Variants in DYNC2LI1 observed in about 807,000 individuals in gnomAD.
The protein encoded by DYNC2LI1 is cytoplasmic dynein 2 light intermediate chain 1.
Under a neutral mutation model 51.9 loss-of-function variants are expected in DYNC2LI1, and 45 were observed. The observed-to-expected ratio is 0.87, with a 90% CI of 0.68 to 1.11. The LOEUF (loss-of-function observed/expected upper bound fraction) is 1.11. Ranked by LOEUF, DYNC2LI1 falls within the 50% of genes most tolerant of loss-of-function variation. DYNC2LI1 has a pLI of 0.00. For missense variants in DYNC2LI1, 490 were observed against 417.4 expected, an observed-to-expected ratio of 1.17 and a Z score of -1.51; for synonymous variants, 130 against 137.8, an observed-to-expected ratio of 0.94 and a Z score of 0.40.
chr2:43,824,138 T>G, the DYNC2LI1 span: 1 of 1,614,212 alleles, frequency 6.2e-7, no homozygotes, highest in Non-Finnish European at 8.5e-7. Flanking sequence ...AACAACCCTG[T>G]TTTAATTCCT....
chr2:43,824,763 G>A, the DYNC2LI1 span: 2 of 1,487,498 alleles, frequency 1.3e-6, no homozygotes, highest in African/African-American at 2.8e-5. Context: ...TTGATTCCTT[G>A]AAGAGTATAA....
At chr2:43,795,130 T>C in intron 6 of DYNC2LI1, 1 of 994,784 alleles carries the variant, frequency 1.0e-6, no homozygotes, top group Non-Finnish European at 1.2e-6. Flanking sequence ...GTTGCTATGA[T>C]GGTAACACAA....
rs1409684540 is a variant in DYNC2LI1 at position 43,787,364 on chromosome 2, C to T, written c.231+114C>T. On this transcript the variant is annotated intron_variant, in intron 4 of 12. Transcript: ENST00000260605. ...ATCAATAAACATACCCAGTTGTACACTTCGTAGCTGTCTACCATTAAACTT... is the reference window on the plus strand; with the variant it reads ...ATCAATAAACATACCCAGTTGTACATTTCGTAGCTGTCTACCATTAAACTT... 8.5e-6 allele frequency: 7 copies of T among 819,654 alleles called. No homozygotes were observed. In the Admixed American group the frequency reaches 1.5e-4, roughly 17 times the overall value. The allele number at this position is 819,654 out of a possible 1,614,324, so 50.8% of individuals were successfully genotyped here.
chr2:43,820,508 C>G, the DYNC2LI1 span, among the ~76,000 whole-genome samples: 75 of 152,304 alleles, frequency 4.9e-4, no homozygotes, highest in Admixed American at 4.5e-3. Context: ...CCCAGCACCC[C>G]CTTCCCTGAA....
intron 8 of DYNC2LI1, among the ~76,000 whole-genome samples, chr2:43,797,084 G>T (rs537730294): frequency 6.6e-6 from 1 of 152,020 alleles, no homozygotes; most frequent in Non-Finnish European, 1.5e-5. Flanking sequence ...TTCATTTTTG[G>T]TATCCCCTTA....
the DYNC2LI1 span, among the ~76,000 whole-genome samples, chr2:43,827,299 T>A: frequency 6.9e-6 from 1 of 144,884 alleles, no homozygotes; most frequent in Admixed American, 7.0e-5. Flanking sequence ...CACTCCAGCC[T>A]GGGCAACAAG....
intron 9 of DYNC2LI1, chr2:43,801,349 T>G (rs17031586): frequency 0.018 from 3,641 of 206,264 alleles, 89 homozygotes; most frequent in African/African-American, 0.062. Context: ...TTTTACTGAT[T>G]TGAAATGGAA....
At chr2:43,780,494 A>G (rs752168112) in intron 2 of DYNC2LI1, among the ~76,000 whole-genome samples, 1 of 152,206 alleles carries the variant, frequency 6.6e-6, no homozygotes, top group Non-Finnish European at 1.5e-5. Context: ...GTAGTTGTTT[A>G]TAGGTGGCAC....
At chr2:43,827,059 T>C in the DYNC2LI1 span, among the ~76,000 whole-genome samples, 3 of 152,196 alleles carry the variant, frequency 2.0e-5, no homozygotes, top group African/African-American at 7.2e-5. Context: ...GCGCGGTGGC[T>C]CACGCCTGTA....
At chr2:43,794,718 C>T in intron 6 of DYNC2LI1, 75 bp downstream of exon 6, 1 of 1,608,496 alleles carries the variant, frequency 6.2e-7, no homozygotes, top group Non-Finnish European at 8.5e-7. Flanking sequence ...CAAACAACTT[C>T]TTTAGATTTT....
chr2:43,793,492 T>C (rs1673885020), intron 5 of DYNC2LI1: 1 of 152,214 alleles, frequency 6.6e-6, no homozygotes, highest in Admixed American at 6.6e-5. Flanking sequence ...CAAAAAAATG[T>C]TTTGACAATA....
chr2:43,819,945 G>A, the DYNC2LI1 span: 15 of 1,613,930 alleles, frequency 9.3e-6, no homozygotes, highest in South Asian at 1.1e-5. Context: ...AAGCACCCCC[G>A]CAATGGACAG....
chr2:43,785,836 G>T (rs544903538), intron 3 of DYNC2LI1, among the ~76,000 whole-genome samples: 1 of 152,156 alleles, frequency 6.6e-6, no homozygotes, highest in African/African-American at 2.4e-5. Flanking sequence ...AAAATGAGAA[G>T]TTGTTTAATG....
chr2:43,815,046 C>T, the DYNC2LI1 span, among the ~76,000 whole-genome samples: 5 of 152,196 alleles, frequency 3.3e-5, no homozygotes, highest in South Asian at 2.1e-4. Context: ...CTGATATAAA[C>T]GTACAAGAAA....
At chr2:43,826,393 C>T in the DYNC2LI1 span, 1 of 1,614,018 alleles carries the variant, frequency 6.2e-7, no homozygotes, top group Non-Finnish European at 8.5e-7. Flanking sequence ...TGAAAAAGCT[C>T]AGAACGGGGC....
chr2:43,828,033 G>C, the DYNC2LI1 span: 1 of 1,614,104 alleles, frequency 6.2e-7, no homozygotes, highest in Non-Finnish European at 8.5e-7. Flanking sequence ...CCGCTCACCC[G>C]TGGAAATGCC....
chr2:43,822,479 C>CT, the DYNC2LI1 span: 2 of 668,688 alleles, frequency 3.0e-6, no homozygotes, highest in Non-Finnish European at 3.6e-6. Context: ...CTCCCCCAGG[C>CT]CCCCCCCCAT....
chr2:43,813,697 GTTTTTTTTTTCGTTTTTTTTTTTTTT>G (rs1322489016), downstream of DYNC2LI1, among the ~76,000 whole-genome samples: 4 of 91,318 alleles, frequency 4.4e-5, no homozygotes, highest in Non-Finnish European at 7.3e-5. Context: ...TTTTTTTGGG[GTTTTTTTTTTCGTTTTTTTTTTTTTT>G]TTTTTTTTTT....
intron 5 of DYNC2LI1, chr2:43,794,194 AT>A (rs1186507791): frequency 1.5e-5 from 5 of 324,012 alleles, no homozygotes; most frequent in African/African-American, 1.1e-4. Context: ...GAGCTTCTCT[AT>A]TTGAACTAAA....
Sources: gnomAD v4.1 joint callset for allele counts (sites outside exome capture counted in the v4.1 genomes callset) on GRCh38, gnomAD v4.1.1 for gene constraint, MANE v1.5 for transcripts, NCBI Gene and HGNC (gene_info 2026-07-23, HGNC 2026-07-21) for gene names.